The following PLAGL1 variants were observed in gnomAD, a reference collection of about 807,000 sequenced individuals.
The protein encoded by PLAGL1 is zinc finger protein PLAGL1.
Under a neutral mutation model 4.6 loss-of-function variants are expected in PLAGL1, and 1 was observed. That is an observed-to-expected ratio of 0.22 (90% CI 0.08 to 1.03). The LOEUF (loss-of-function observed/expected upper bound fraction) is 1.03, where lower values mean the gene tolerates loss of function less well. Among genes scored for constraint, PLAGL1 ranks in the 50% least tolerant of loss-of-function variants. PLAGL1 has a pLI of 0.58. For missense variants in PLAGL1, 464 were observed against 570.4 expected (o/e 0.81, Z 1.90); for synonymous variants, 240 against 237.8 (o/e 1.01, Z -0.08).
rs915495987 is a variant in PLAGL1 at position 143,972,962 on chromosome 6, C to T, written c.-543-3984G>A. On this transcript the variant is annotated intron_variant, in intron 2 of 7. Coordinates refer to ENST00000674357, the MANE Select transcript of PLAGL1 (RefSeq NM_001317162.2). The surrounding 1 kb of genome is among the most constrained non-coding windows in gnomAD (Gnocchi z 6.8). ...TCCATTGTTCATTACACACTAGCCCCAAACTTGAGTAATTCTAATGTAAGC... is the reference window on the plus strand; with the variant it reads ...TCCATTGTTCATTACACACTAGCCCTAAACTTGAGTAATTCTAATGTAAGC... Among the ~76,000 whole-genome samples the T allele has an allele frequency of 3.9e-5, 6 of 152,186 alleles. No individual in the cohort carries two copies. The highest frequency in any genetic ancestry group is 4.4e-5 in the Non-Finnish European group (3 of 68,038).
At chr6:144,028,338 G>T (rs556754016) in intron 1 of PLAGL1, among the ~76,000 whole-genome samples, 1 of 152,168 alleles carries the variant, frequency 6.6e-6, no homozygotes. Flanking sequence ...AGCTCCAAGG[G>T]TAAACACATT....
At chr6:144,008,803 C>T (rs1405708105), upstream of PLAGL1, 1 of 152,264 alleles carries the variant, frequency 6.6e-6, no homozygotes, top group Non-Finnish European at 1.5e-5. The surrounding 1 kb of genome is among the most constrained non-coding windows in gnomAD (Gnocchi z 6.9). Context: ...AGGCACTGTC[C>T]TAAGCACTTT....
intron 1 of PLAGL1, among the ~76,000 whole-genome samples, chr6:143,999,162 T>C (rs897614403): frequency 6.6e-6 from 1 of 152,158 alleles, no homozygotes; most frequent in South Asian, 2.1e-4. Context: ...CAAATTTTTT[T>C]CCTGTATTTC....
chr6:143,974,653 C>A (rs563325463), intron 2 of PLAGL1, among the ~76,000 whole-genome samples: 2 of 152,230 alleles, frequency 1.3e-5, no homozygotes, highest in African/African-American at 4.8e-5. Flanking sequence ...TGCTTTGGGC[C>A]TAGGGGACAC....
intron 1 of PLAGL1, among the ~76,000 whole-genome samples, chr6:144,038,644 G>A (rs1797466764): frequency 6.6e-6 from 1 of 152,160 alleles, no homozygotes; most frequent in Non-Finnish European, 1.5e-5. Flanking sequence ...AATATATTTG[G>A]AAATAAAAAT....
chr6:143,941,090 G>A lies in PLAGL1; in HGVS notation c.*334C>T, dbSNP rs1246918892. Reference sequence around the variant, plus strand: ...CCCTTACTAGGCAGTGCCACATAAAGTTATTTAGTTAACATTATGATCATG... The same window carrying A: ...CCCTTACTAGGCAGTGCCACATAAAATTATTTAGTTAACATTATGATCATG... On this transcript the variant is annotated 3_prime_UTR_variant, in exon 8 of 8. Coordinates refer to ENST00000674357, the MANE Select transcript of PLAGL1 (RefSeq NM_001317162.2). This position sits in a 1 kb window ranked among gnomAD's most constrained non-coding sequence, Gnocchi z 6.0. 5.6e-6 allele frequency: 1 copy of A among 179,210 alleles called. No individual in the cohort carries two copies. Among genetic ancestry groups the A allele is most frequent in the African/African-American group, 2.4e-5 (1 of 42,456 alleles). The allele number at this position is 179,210 out of a possible 1,614,324, so 11.1% of individuals were successfully genotyped here. A position where few individuals can be genotyped will look rare whatever the true frequency, so the allele number is the denominator to read the frequency against.
Position 143,984,897 on chromosome 6 carries a change from C to T in PLAGL1, c.-544+238G>A, listed in dbSNP as rs985514907. ...TAACCATAACTCTGATAAGAAGTCA[C>T]TATAAGGAAACAAATGCCCCTAGGC... On this transcript the variant is annotated intron_variant, in intron 2 of 7. Transcript: ENST00000674357. The surrounding 1 kb of genome is among the most constrained non-coding windows in gnomAD (Gnocchi z 5.5). Among the ~76,000 whole-genome samples the T allele has an allele frequency of 4.6e-5, 7 of 152,108 alleles. No homozygotes were observed. Among genetic ancestry groups the T allele is most frequent in the Admixed American group, 3.9e-4 (6 of 15,258 alleles).
In PLAGL1 at chr6:144,064,328, C is replaced by T. The variant is rs1419872563; in HGVS notation, c.-151+140G>A. On this transcript the variant is annotated intron_variant, in intron 1 of 3. Transcript: ENST00000437412. This position sits in a 1 kb window ranked among gnomAD's most constrained non-coding sequence, Gnocchi z 6.8. Reference sequence around the variant, plus strand: ...GGCTACCTCGCCTGGCCCGCGGACTCCGCGCGGCACGTGGGCACCTGCGGC... The same window carrying T: ...GGCTACCTCGCCTGGCCCGCGGACTTCGCGCGGCACGTGGGCACCTGCGGC... The T allele has an allele frequency of 1.3e-5, 2 of 152,136 alleles. No homozygotes were observed. The highest frequency in any genetic ancestry group is 6.5e-5 in the Admixed American group (1 of 15,284). 9.4% of individuals were successfully genotyped at this position (152,136 alleles called of 1,614,324 possible).
chr6:144,002,860 A>C (rs1793202893), intron 1 of PLAGL1, among the ~76,000 whole-genome samples: 1 of 148,780 alleles, frequency 6.7e-6, no homozygotes, highest in Admixed American at 6.8e-5. Flanking sequence ...AGTCAATGCA[A>C]TCCCAATCAA....
chr6:144,012,057 CAT>C (rs1369264886), upstream of PLAGL1, among the ~76,000 whole-genome samples: 3 of 152,160 alleles, frequency 2.0e-5, no homozygotes, highest in Non-Finnish European at 4.4e-5. The surrounding 1 kb of genome is among the most constrained non-coding windows in gnomAD (Gnocchi z 4.8). Context: ...GCTGGGCAGA[CAT>C]AGGTTCATCT....
At chr6:144,052,172 A>G (rs761566992) in intron 1 of PLAGL1, among the ~76,000 whole-genome samples, 2 of 152,200 alleles carry the variant, frequency 1.3e-5, no homozygotes, top group African/African-American at 2.4e-5. Flanking sequence ...AGATCAGAAA[A>G]GAAGGTAAGT....
Position 144,039,852 on chromosome 6 carries a change from A to G in PLAGL1, c.-151+24616T>C, listed in dbSNP as rs148829520. The stretch of plus-strand genomic sequence containing the variant: ...ACAGCAAATCTCTTTGTAGTAGCAA[A>G]AGGCCAAAAGGTCTATCAACAAGAA... On this transcript the variant is annotated intron_variant, in intron 1 of 3. Coordinates refer to the PLAGL1 transcript ENST00000437412. The surrounding 1 kb of genome is among the most constrained non-coding windows in gnomAD (Gnocchi z 4.1). Among the ~76,000 whole-genome samples the G allele has an allele frequency of 5.6e-3, 851 of 152,346 alleles. 7 individuals are homozygous for G. Among genetic ancestry groups the G allele is most frequent in the African/African-American group, 0.02 (812 of 41,578 alleles).
chr6:144,016,886 T>C lies in PLAGL1; in HGVS notation c.-151+47582A>G, dbSNP rs73781356. On this transcript the variant is annotated intron_variant, in intron 1 of 3. Coordinates refer to the PLAGL1 transcript ENST00000437412. This position sits in a 1 kb window ranked among gnomAD's most constrained non-coding sequence, Gnocchi z 4.2. ...AATTGACCTTCTGCTGTTTTTTTTG[T>C]TGTGAGCTTTTTCATTAGCACTCTC... is the stretch of plus-strand genomic sequence containing the variant. Among the ~76,000 whole-genome samples, 3,230 of 152,304 alleles carry C rather than the reference T, an allele frequency of 0.021. 114 individuals carry two copies. Among genetic ancestry groups the C allele is most frequent in the African/African-American group, 0.072 (2,987 of 41,540 alleles).
At position 143,941,874 on chromosome 6, in the gene PLAGL1, T is replaced by G. The variant is rs1364986215; in HGVS notation, c.942A>C (p.Ala314=). 1.2e-6 allele frequency: 2 copies of G among 1,613,926 alleles called. No individual in the cohort carries two copies. Among genetic ancestry groups the G allele is most frequent in the Admixed American group, 3.3e-5 (2 of 60,000 alleles). The change falls in exon 8 of 8, where the codon GCA becomes GCC. Residue 314 remains alanine, a synonymous_variant. Transcript: ENST00000674357. This position sits in a 1 kb window ranked among gnomAD's most constrained non-coding sequence, Gnocchi z 6.0. ...NTTSTSYSPL[A]SLPLKADTKG... Reference sequence around the variant, plus strand: ...TAGTATCTGCTTTGAGGGGCAGGCTTGCAAGTGGGGAGTATGAGGTAGAAG... The same window carrying G: ...TAGTATCTGCTTTGAGGGGCAGGCTGGCAAGTGGGGAGTATGAGGTAGAAG...
Position 143,961,996 on chromosome 6 carries a change from C to T in PLAGL1, c.-398-1454G>A, listed in dbSNP as rs1357660355. On this transcript the variant is annotated intron_variant, in intron 5 of 7. Coordinates refer to ENST00000674357, the MANE Select transcript of PLAGL1 (RefSeq NM_001317162.2). This position sits in a 1 kb window ranked among gnomAD's most constrained non-coding sequence, Gnocchi z 6.5. ...ATTCCTTTCTGAATTCAACAATACT[C>T]CTTGGCCTCCAAGGGCTCACACAGG... Among the ~76,000 whole-genome samples the T allele has an allele frequency of 1.3e-5, 2 of 152,168 alleles. No individual in the cohort carries two copies. Among genetic ancestry groups the T allele is most frequent in the African/African-American group, 4.8e-5 (2 of 41,440 alleles).
rs879552093 is a variant in PLAGL1 at position 143,990,685 on chromosome 6, G to C, written c.-583-5511C>G. ...GGCTCAAGAGAGATTACTAGGTTGA[G>C]ATAGTAAAAACGTACCTTCCCTTCA... On this transcript the variant is annotated intron_variant, in intron 1 of 7. Transcript: ENST00000674357. The surrounding 1 kb of genome is among the most constrained non-coding windows in gnomAD (Gnocchi z 5.4). 6.6e-6 allele frequency among the ~76,000 whole-genome samples: 1 copy of C among 152,202 alleles called. No homozygotes were observed. Among genetic ancestry groups the C allele is most frequent in the Non-Finnish European group, 1.5e-5 (1 of 68,038 alleles).
At position 144,048,326 on chromosome 6, in the gene PLAGL1, C is replaced by T. The variant is rs762334350; in HGVS notation, c.-151+16142G>A. On this transcript the variant is annotated intron_variant, in intron 1 of 3. Transcript: ENST00000437412. This position sits in a 1 kb window ranked among gnomAD's most constrained non-coding sequence, Gnocchi z 4.8. ...GACAGTGGCCCTCTTCTCACAGCTC[C>T]ATTAGGCAGTGCCCCAGTGGGGACT... is the stretch of plus-strand genomic sequence containing the variant. Among the ~76,000 whole-genome samples the T allele has an allele frequency of 2.6e-5, 4 of 152,194 alleles. No individual in the cohort carries two copies. Among genetic ancestry groups the T allele is most frequent in the Non-Finnish European group, 5.9e-5 (4 of 68,030 alleles).
At position 144,048,221 on chromosome 6, in the gene PLAGL1, T is replaced by C. The variant is rs553588572; in HGVS notation, c.-151+16247A>G. Among the ~76,000 whole-genome samples, 7 of 152,336 alleles carry C rather than the reference T, an allele frequency of 4.6e-5. No individual in the cohort carries two copies. The South Asian group carries it at 1.2e-3, about 27-fold the overall frequency. ...ACGGCCTCCCTCTTGGCTGCTTTCATGGGCTGGCATTGAGTGTTGGTGGCT... is the reference window on the plus strand; with the variant it reads ...ACGGCCTCCCTCTTGGCTGCTTTCACGGGCTGGCATTGAGTGTTGGTGGCT... On this transcript the variant is annotated intron_variant, in intron 1 of 3. Coordinates refer to the PLAGL1 transcript ENST00000437412. This position sits in a 1 kb window ranked among gnomAD's most constrained non-coding sequence, Gnocchi z 4.8.
intron 1 of PLAGL1, among the ~76,000 whole-genome samples, chr6:144,060,119 C>T (rs534692018): frequency 1.3e-5 from 2 of 152,086 alleles, no homozygotes; most frequent in East Asian, 3.9e-4. Context: ...GTGATCACAG[C>T]TCACTGCAGC....
Sources: allele counts gnomAD v4.1 joint callset (sites outside exome capture counted in the v4.1 genomes callset), GRCh38; gene constraint gnomAD v4.1.1; non-coding constraint Gnocchi (gnomAD v3.1); transcripts MANE v1.5; gene names NCBI Gene and HGNC (gene_info 2026-07-23, HGNC 2026-07-21).